CASK: variants seen among roughly 807,000 people sequenced by gnomAD.
CASK encodes calcium/calmodulin dependent serine protein kinase.
CASK carries 4 observed loss-of-function variants against 82.9 expected under a neutral mutation model. The observed-to-expected ratio is 0.05, with a 90% CI of 0.02 to 0.11. CASK has a LOEUF of 0.11. Ranked by LOEUF, CASK falls within the 10% of genes least tolerant of loss-of-function variation. The probability of loss-of-function intolerance (pLI) is 1.00; values close to 1 mark genes in which losing one functional copy is unlikely to be tolerated. For synonymous variants in CASK, 259 were observed against 253.5 expected (o/e 1.02, Z -0.20); for missense variants, 358 against 720.9 (o/e 0.50, Z 5.76).
intron 6 of CASK, among the ~76,000 whole-genome samples, chrX:41,668,747 C>T (rs1452305378): frequency 3.8e-5 from 4 of 104,885 alleles, no homozygotes; most frequent in African/African-American, 1.0e-4. Context: ...GAATTTCTTT[C>T]TTTTTTTTTT....
intron 1 of CASK, among the ~76,000 whole-genome samples, chrX:41,869,643 C>T (rs1237448600): frequency 1.9e-5 from 2 of 106,449 alleles, no homozygotes; most frequent in Non-Finnish European, 3.9e-5. Context: ...TGAATCCATG[C>T]CTCTACTGAA....
At chrX:41,854,269 C>T (rs1323622732) in intron 1 of CASK, among the ~76,000 whole-genome samples, 2 of 110,158 alleles carry the variant, frequency 1.8e-5, no homozygotes, top group African/African-American at 6.6e-5. Flanking sequence ...CACACACACA[C>T]ACACGGTTCC....
intron 10 of CASK, among the ~76,000 whole-genome samples, chrX:41,624,949 G>A (rs1198991915): frequency 9.1e-6 from 1 of 110,387 alleles, no homozygotes; most frequent in East Asian, 2.8e-4. Context: ...ATATGGAGTG[G>A]CTCTAATGAA....
intron 25 of CASK, among the ~76,000 whole-genome samples, chrX:41,528,590 C>T (rs1184202639): frequency 8.9e-6 from 1 of 112,507 alleles, no homozygotes; most frequent in Admixed American, 9.4e-5. Context: ...GAATTTCATC[C>T]TCACCATCTT....
At chrX:41,726,834 A>G in intron 5 of CASK, 1 of 300,641 alleles carries the variant, frequency 3.3e-6, no homozygotes, top group Admixed American at 5.7e-5. Context: ...GACAATCGTG[A>G]TTAGAAAAGG....
intron 8 of CASK, chrX:41,660,176 A>G: frequency 2.4e-6 from 1 of 422,459 alleles, no homozygotes; most frequent in East Asian, 3.8e-5. Context: ...ACATGTTGGC[A>G]GAGAAAAAAG....
chrX:41,851,188 T>C (rs2071259480), intron 2 of CASK, among the ~76,000 whole-genome samples: 1 of 111,778 alleles, frequency 8.9e-6, no homozygotes, highest in Non-Finnish European at 1.9e-5. Flanking sequence ...GGTCCTACCA[T>C]ATAGGAAGGA....
chrX:41,907,318 T>C (rs1306167442), intron 1 of CASK, among the ~76,000 whole-genome samples: 2 of 112,097 alleles, frequency 1.8e-5, no homozygotes, highest in African/African-American at 6.5e-5. Flanking sequence ...TTGCCTGACC[T>C]TGCTACCAGA....
At chrX:41,549,217 G>A (rs757800875) in intron 21 of CASK, among the ~76,000 whole-genome samples, 1 of 111,988 alleles carries the variant, frequency 8.9e-6, no homozygotes, top group South Asian at 3.7e-4. Context: ...GGGTCTGGCT[G>A]ATACAATTGT....
At chrX:41,540,369 A>G (rs978653169) in intron 22 of CASK, among the ~76,000 whole-genome samples, 5 of 112,484 alleles carry the variant, frequency 4.4e-5, no homozygotes, top group South Asian at 7.4e-4. Context: ...CAAGGGTGAT[A>G]GCTTTCAACC....
At chrX:41,825,009 G>A (rs956629136) in intron 2 of CASK, among the ~76,000 whole-genome samples, 2 of 111,644 alleles carry the variant, frequency 1.8e-5, no homozygotes, top group African/African-American at 3.3e-5. Context: ...CCTAGTATTC[G>A]ATATTACAAC....
chrX:41,538,943 G>A (rs2064911749), intron 22 of CASK, among the ~76,000 whole-genome samples: 2 of 111,627 alleles, frequency 1.8e-5, no homozygotes, highest in African/African-American at 6.5e-5. Flanking sequence ...AGTGTGTGCT[G>A]GAGAATGAGC....
chrX:41,757,927 A>T (rs1321925084), intron 3 of CASK, among the ~76,000 whole-genome samples: 1 of 112,522 alleles, frequency 8.9e-6, no homozygotes, highest in East Asian at 2.8e-4. Flanking sequence ...ATATACAAAT[A>T]TTTGTTGGTG....
intron 2 of CASK, among the ~76,000 whole-genome samples, chrX:41,828,712 C>T (rs1384820848): frequency 7.2e-5 from 8 of 111,865 alleles, no homozygotes; most frequent in Middle Eastern, 4.2e-3. Flanking sequence ...AACACAAGGC[C>T]AGTTCAAATA....
intron 24 of CASK, among the ~76,000 whole-genome samples, chrX:41,534,392 A>ATCACAC (rs2064846164): frequency 1.1e-5 from 1 of 91,222 alleles, no homozygotes; most frequent in East Asian, 3.5e-4. Context: ...TTTTATTTAA[A>ATCACAC]ACACACACAC....
intron 5 of CASK, chrX:41,695,511 T>C (rs1376221764): frequency 2.0e-6 from 1 of 488,060 alleles, no homozygotes; most frequent in Non-Finnish European, 3.5e-6. Flanking sequence ...AAAGTAACTG[T>C]TATTAAAATA....
chrX:41,739,418 C>T lies in CASK; in HGVS notation c.395G>A (p.Cys132Tyr). ...MRQILEALRY[C>Y]HDNNIIHRDV... Reference sequence around the variant, plus strand: ...CCTGTGAATTATGTTATTATCATGGCAGTAGCGTAGAGCTTCCAGTATCTG... The same window carrying T: ...CCTGTGAATTATGTTATTATCATGGTAGTAGCGTAGAGCTTCCAGTATCTG... Residue 132 changes from cysteine (C) to tyrosine (Y), a missense_variant, in exon 5 of 27, where the codon TGC (cysteine) becomes TAC (tyrosine). Transcript: ENST00000378163. 8.4e-7 allele frequency: 1 copy of T among 1,185,956 alleles called. No individual in the cohort carries two copies. The highest frequency in any genetic ancestry group is 1.8e-5 in the South Asian group (1 of 56,225).
At position 41,518,500 on chromosome X, in the gene CASK, C is replaced by T. The variant is rs2064592043; in HGVS notation, c.*1920G>A. 1 of 108,940 alleles carries T rather than the reference C, an allele frequency of 9.2e-6. No homozygotes were observed. Among genetic ancestry groups the T allele is most frequent in the African/African-American group, 3.3e-5 (1 of 29,931 alleles). The allele number at this position is 108,940 out of a possible 1,213,427, so 9.0% of individuals were successfully genotyped here. On this transcript the variant is annotated 3_prime_UTR_variant, in exon 27 of 27. Transcript: ENST00000378163. ...GGGGCCCATACAGAAGTAGTTCACTCAATACCTTGTTAGTAAGTTGCAGAC... is the reference window on the plus strand; with the variant it reads ...GGGGCCCATACAGAAGTAGTTCACTTAATACCTTGTTAGTAAGTTGCAGAC...
intron 1 of CASK, among the ~76,000 whole-genome samples, chrX:41,862,378 T>G (rs2071506311): frequency 9.2e-6 from 1 of 108,657 alleles, no homozygotes; most frequent in African/African-American, 3.4e-5. Flanking sequence ...CTGTCTCTAC[T>G]AAAAATACAA....
Sources: allele counts gnomAD v4.1 joint callset (sites outside exome capture counted in the v4.1 genomes callset), GRCh38; gene constraint gnomAD v4.1.1; transcripts MANE v1.5; gene names NCBI Gene and HGNC (gene_info 2026-07-23, HGNC 2026-07-21).